MERTK: variants seen among roughly 807,000 people sequenced by gnomAD.
MERTK encodes the protein tyrosine-protein kinase Mer.
A neutral mutation model predicts 99.3 loss-of-function variants in MERTK; 69 were observed. The observed-to-expected ratio is 0.70, with a 90% CI of 0.57 to 0.85. The LOEUF (loss-of-function observed/expected upper bound fraction) is 0.85, where lower values mean the gene tolerates loss of function less well. Ranked by LOEUF, MERTK falls within the 40% of genes least tolerant of loss-of-function variation. The pLI is 0.00. For missense variants in MERTK, 1,125 were observed against 1,249.4 expected (o/e 0.90, Z 1.50); for synonymous variants, 426 against 467.6 (o/e 0.91, Z 1.15).
intron 6 of MERTK, among the ~76,000 whole-genome samples, chr2:111,973,991 CAAAAAA>C (rs34537631): frequency 1.2e-5 from 1 of 84,726 alleles, no homozygotes. Context: ...ATCTCCTCAT[CAAAAAA>C]AAAAAAAAAA....
chr2:111,923,858 A>G (rs536120839), intron 1 of MERTK, among the ~76,000 whole-genome samples: 3 of 152,344 alleles, frequency 2.0e-5, no homozygotes, highest in South Asian at 2.1e-4. Context: ...AATAGAAACA[A>G]TGAAAAATTT....
chr2:112,015,833 T>TA (rs1677205670), intron 15 of MERTK: 1 of 154,366 alleles, frequency 6.5e-6, no homozygotes, highest in African/African-American at 2.4e-5. Flanking sequence ...CAATTCTGAG[T>TA]TATTTTTTGT....
chr2:112,005,980 G>A (rs1374532187), intron 13 of MERTK, among the ~76,000 whole-genome samples: 3 of 151,984 alleles, frequency 2.0e-5, no homozygotes, highest in African/African-American at 4.8e-5. Flanking sequence ...CTCTGGGTTC[G>A]AGCAATTCTT....
At chr2:111,928,262 G>A (rs535280999) in intron 1 of MERTK, among the ~76,000 whole-genome samples, 7 of 107,218 alleles carry the variant, frequency 6.5e-5, no homozygotes, top group South Asian at 3.3e-4. Context: ...GTCTCACTCT[G>A]TCACCCAGGC....
intron 7 of MERTK, among the ~76,000 whole-genome samples, chr2:111,980,412 CTTTTTTTTTTTTT>C (rs34831521): frequency 2.0e-5 from 2 of 100,980 alleles, no homozygotes; most frequent in African/African-American, 3.7e-5. Context: ...GCAACTATTT[CTTTTTTTTTTTTT>C]TTTTTTTTTT....
At chr2:111,954,713 A>C (rs1423076339) in intron 4 of MERTK, among the ~76,000 whole-genome samples, 1 of 152,198 alleles carries the variant, frequency 6.6e-6, no homozygotes, top group African/African-American at 2.4e-5. Context: ...TAAAATTAAT[A>C]GAACAGGATC....
chr2:112,003,547 G>A (rs1462316498), intron 12 of MERTK: 4 of 340,410 alleles, frequency 1.2e-5, no homozygotes, highest in East Asian at 6.8e-5. Context: ...ATGAAAATAC[G>A]TATTTAACTT....
chr2:111,947,043 G>A (rs1473201719), intron 3 of MERTK, among the ~76,000 whole-genome samples: 1 of 152,124 alleles, frequency 6.6e-6, no homozygotes, highest in East Asian at 1.9e-4. Context: ...GAGGCCAAGG[G>A]GCAAGGATCA....
intron 6 of MERTK, among the ~76,000 whole-genome samples, chr2:111,972,020 AT>A (rs1676128823): frequency 6.6e-6 from 1 of 152,036 alleles, no homozygotes; most frequent in Admixed American, 6.6e-5. Flanking sequence ...AGAGGTAGAC[AT>A]TTATTTATTT....
intron 1 of MERTK, among the ~76,000 whole-genome samples, chr2:111,907,637 G>A (rs925253837): frequency 2.0e-4 from 30 of 150,928 alleles, no homozygotes; most frequent in African/African-American, 6.8e-4. Context: ...AGCTTTTTCC[G>A]GGGTGGATGG....
intron 15 of MERTK, among the ~76,000 whole-genome samples, chr2:112,012,715 CG>C (rs1352153485): frequency 6.6e-6 from 1 of 152,104 alleles, no homozygotes; most frequent in Admixed American, 6.5e-5. Flanking sequence ...CCCCGACCTC[CG>C]GTAACTTATG....
chr2:111,901,926 C>G (rs1684051866), intron 1 of MERTK, among the ~76,000 whole-genome samples: 1 of 152,002 alleles, frequency 6.6e-6, no homozygotes, highest in Non-Finnish European at 1.5e-5. Context: ...CTCTTGCTGT[C>G]CAGGCTAGAG....
At chr2:111,980,585 A>G (rs974647949) in intron 7 of MERTK, among the ~76,000 whole-genome samples, 2 of 151,714 alleles carry the variant, frequency 1.3e-5, no homozygotes, top group Non-Finnish European at 2.9e-5. Context: ...CGCCCGGCTA[A>G]TTTTTTGTAT....
intron 11 of MERTK, among the ~76,000 whole-genome samples, chr2:112,002,545 A>G (rs1244196511): frequency 6.6e-6 from 1 of 152,204 alleles, no homozygotes; most frequent in Non-Finnish European, 1.5e-5. Flanking sequence ...ACACAACAGA[A>G]TGAGAAATGT....
chr2:111,914,556 G>A (rs1038436450), intron 1 of MERTK, among the ~76,000 whole-genome samples: 3 of 152,208 alleles, frequency 2.0e-5, no homozygotes, highest in Non-Finnish European at 4.4e-5. Context: ...TGGGATTACA[G>A]GCATGAGCCA....
intron 1 of MERTK, among the ~76,000 whole-genome samples, chr2:111,910,610 G>GTGTGTGTGTGTGTATA (rs370882764): frequency 5.6e-5 from 8 of 143,588 alleles, no homozygotes; most frequent in African/African-American, 1.6e-4. Flanking sequence ...GTGTGTGTGT[G>GTGTGTGTGTGTGTATA]TATATATATA....
chr2:111,927,623 T>A (rs1684591001), intron 1 of MERTK, among the ~76,000 whole-genome samples: 1 of 152,126 alleles, frequency 6.6e-6, no homozygotes, highest in South Asian at 2.1e-4. Flanking sequence ...AGTGAGTTAC[T>A]GTACCACTGC....
At chr2:111,965,358 G>A (rs1685340998) in intron 5 of MERTK, 81 bp downstream of exon 5, 1 of 1,350,888 alleles carries the variant, frequency 7.4e-7, no homozygotes, top group Non-Finnish European at 1.1e-6. Flanking sequence ...GGCTGCCTGG[G>A]TGTGGATCCT....
chr2:111,968,209 C>T lies in MERTK; in HGVS notation c.917C>T (p.Pro306Leu). ...TAHSILISWV[P>L]GFDGYSPFRN... is the part of the protein sequence containing the mutation. ...CACAGCATTCTGATCTCCTGGGTTC[C>T]TGGTTTTGATGGATACTCCCCGTTC... is the stretch of plus-strand genomic sequence containing the variant. The change falls in exon 6 of 19, where the codon CCT becomes CTT. Residue 306 changes from proline (P) to leucine (L), a missense_variant. Physicochemically the swap from Pro to Leu is moderately conservative, Grantham distance 98. Transcript: ENST00000295408. The T allele has an allele frequency of 6.2e-7, 1 of 1,614,050 alleles. No individual in the cohort carries two copies. The highest frequency in any genetic ancestry group is 8.5e-7 in the Non-Finnish European group (1 of 1,180,018).
Sources: gnomAD v4.1 joint callset for allele counts (sites outside exome capture counted in the v4.1 genomes callset) on GRCh38, gnomAD v4.1.1 for gene constraint, MANE v1.5 for transcripts, NCBI Gene and HGNC (gene_info 2026-07-23, HGNC 2026-07-21) for gene names.